Variants in CFAP70 observed in about 807,000 individuals in gnomAD.
CFAP70 encodes cilia and flagella associated protein 70.
A neutral mutation model predicts 137.6 loss-of-function variants in CFAP70; 81 were observed. That is an observed-to-expected ratio of 0.59 (90% CI 0.49 to 0.71). The LOEUF (loss-of-function observed/expected upper bound fraction) is 0.71, where lower values mean the gene tolerates loss of function less well. CFAP70 is among the 30% of genes least tolerant of loss of function. The pLI is 0.00. For synonymous variants in CFAP70, 382 were observed against 423.6 expected, an observed-to-expected ratio of 0.90 and a Z score of 1.20; for missense variants, 976 against 1,226.7, an observed-to-expected ratio of 0.80 and a Z score of 3.05.
intron 25 of CFAP70, among the ~76,000 whole-genome samples, chr10:73,267,288 G>A (rs1371565338): frequency 1.3e-5 from 2 of 152,194 alleles, no homozygotes; most frequent in Non-Finnish European, 2.9e-5. Context: ...AGCAGTTAAT[G>A]TTGGCTGTTG....
intron 4 of CFAP70, 38 bp from the exon 5 acceptor site, chr10:73,348,273 G>C (rs755082909): frequency 1.2e-6 from 2 of 1,606,394 alleles, no homozygotes; most frequent in Non-Finnish European, 8.5e-7. Flanking sequence ...AAGAAGAAAG[G>C]GTTAAGTTGG....
At chr10:73,280,196 TG>T (rs1404046487) in intron 19 of CFAP70, among the ~76,000 whole-genome samples, 1 of 152,018 alleles carries the variant, frequency 6.6e-6, no homozygotes, top group African/African-American at 2.4e-5. Context: ...TAACCAGGTG[TG>T]GGGCCTCATG....
intron 19 of CFAP70, among the ~76,000 whole-genome samples, chr10:73,279,804 G>C (rs1265865456): frequency 6.6e-6 from 1 of 151,926 alleles, no homozygotes; most frequent in East Asian, 1.9e-4. Context: ...GTTGCAGTGA[G>C]CCATGATTTT....
In CFAP70 at chr10:73,323,712, T is replaced by C. The variant is rs192162299; in HGVS notation, c.778-615A>G. Among the ~76,000 whole-genome samples the C allele has an allele frequency of 5.7e-3, 873 of 151,838 alleles. 7 individuals are homozygous for C. The highest frequency in any genetic ancestry group is 0.02 in the African/African-American group (823 of 41,414). ...CTTGGAGGGTCCTATGCCCATGGAGTCTCACTCATTGCTAGCACAGCAGTC... is the reference window on the plus strand; with the variant it reads ...CTTGGAGGGTCCTATGCCCATGGAGCCTCACTCATTGCTAGCACAGCAGTC... On this transcript the variant is annotated intron_variant, in intron 8 of 26. Transcript: ENST00000310715.
chr10:73,322,195 T>C (rs1259089475), intron 9 of CFAP70, among the ~76,000 whole-genome samples: 1 of 152,224 alleles, frequency 6.6e-6, no homozygotes, highest in Non-Finnish European at 1.5e-5. Context: ...TTTTGACATA[T>C]GTGTATATGT....
chr10:73,268,840 G>A (rs990768422), intron 25 of CFAP70, among the ~76,000 whole-genome samples: 24 of 151,836 alleles, frequency 1.6e-4, no homozygotes, highest in African/African-American at 5.3e-4. Flanking sequence ...GACCACAGGC[G>A]CTCCCCACCA....
chr10:73,264,002 T>C (rs971738723), intron 25 of CFAP70, among the ~76,000 whole-genome samples: 1 of 152,244 alleles, frequency 6.6e-6, no homozygotes, highest in African/African-American at 2.4e-5. Context: ...GTAATCCTTT[T>C]CTACAAATTA....
chr10:73,278,477 G>T, intron 19 of CFAP70, 140 bp from the exon 21 acceptor site: 1 of 677,132 alleles, frequency 1.5e-6, no homozygotes, highest in South Asian at 2.6e-5. Flanking sequence ...TGGTAGACTT[G>T]TTTATATTTT....
chr10:73,278,276 A>T, exon 20 of CFAP70: 1 of 1,614,072 alleles, frequency 6.2e-7, no homozygotes, highest in Non-Finnish European at 8.5e-7. Flanking sequence ...CTTGTGAATC[A>T]GACTGCAGTT....
At chr10:73,322,078 C>G (rs2132202527) in intron 9 of CFAP70, among the ~76,000 whole-genome samples, 1 of 152,262 alleles carries the variant, frequency 6.6e-6, no homozygotes, top group South Asian at 2.1e-4. Context: ...GCCACCACAC[C>G]CAGTCACACT....
chr10:73,297,946 T>C (rs1444255751), intron 14 of CFAP70, among the ~76,000 whole-genome samples: 3 of 152,198 alleles, frequency 2.0e-5, no homozygotes, highest in Non-Finnish European at 2.9e-5. Context: ...AACTGAGACA[T>C]GACGACACCA....
intron 8 of CFAP70, among the ~76,000 whole-genome samples, chr10:73,323,786 C>CA (rs2051115865): frequency 6.6e-6 from 1 of 152,252 alleles, no homozygotes; most frequent in Admixed American, 6.5e-5. Flanking sequence ...GGGTGCCCCC[C>CA]ATTGCCCAGG....
chr10:73,331,172 T>C lies in CFAP70; in HGVS notation c.777+5A>G. 2 of 1,603,762 alleles carry C rather than the reference T, an allele frequency of 1.2e-6. No homozygotes were observed. Among genetic ancestry groups the C allele is most frequent in the Non-Finnish European group, 8.5e-7 (1 of 1,171,950 alleles). Reference sequence around the variant, plus strand: ...ATATAAATATTTTTGAGGGGGCATATTTACCTTTTCAGTTTTGCCAGCTTT... The same window carrying C: ...ATATAAATATTTTTGAGGGGGCATACTTACCTTTTCAGTTTTGCCAGCTTT... On this transcript the variant is annotated splice_donor_5th_base_variant and intron_variant, in intron 8 of 26. Transcript: ENST00000310715.
chr10:73,309,963 A>C (rs1319545541), intron 12 of CFAP70, among the ~76,000 whole-genome samples, 195 bp downstream of exon 13: 1 of 152,046 alleles, frequency 6.6e-6, no homozygotes, highest in Non-Finnish European at 1.5e-5. Flanking sequence ...CAGCTTCCTA[A>C]AAATTTTTAT....
At chr10:73,280,305 A>G (rs2047167243) in intron 19 of CFAP70, among the ~76,000 whole-genome samples, 1 of 152,082 alleles carries the variant, frequency 6.6e-6, no homozygotes, top group South Asian at 2.1e-4. Flanking sequence ...CTTGTCTCTT[A>G]AAAAAGAATA....
intron 9 of CFAP70, among the ~76,000 whole-genome samples, chr10:73,316,576 A>T (rs1200392592): frequency 6.7e-6 from 1 of 149,642 alleles, no homozygotes; most frequent in Non-Finnish European, 1.5e-5. Flanking sequence ...ATATGTGCAT[A>T]TGTGTATGTA....
At chr10:73,351,117 GT>G (rs200075967) in intron 3 of CFAP70, among the ~76,000 whole-genome samples, 1 of 80,756 alleles carries the variant, frequency 1.2e-5, no homozygotes, top group Non-Finnish European at 2.4e-5. Context: ...ATATATGTAT[GT>G]TTTGTTTTTT....
At chr10:73,274,244 C>T (rs924129399) in intron 23 of CFAP70, among the ~76,000 whole-genome samples, 189 bp downstream of exon 24, 1 of 152,220 alleles carries the variant, frequency 6.6e-6, no homozygotes. Flanking sequence ...ACTCTCGTTT[C>T]AGCCTGCCTG....
intron 26 of CFAP70, among the ~76,000 whole-genome samples, chr10:73,255,294 G>A (rs1320612973): frequency 6.6e-6 from 1 of 152,132 alleles, no homozygotes; most frequent in Non-Finnish European, 1.5e-5. Context: ...TACTCAGGAG[G>A]CTGAAGCGGA....
Sources: gnomAD v4.1 joint callset for allele counts (sites outside exome capture counted in the v4.1 genomes callset) on GRCh38, gnomAD v4.1.1 for gene constraint, MANE v1.5 for transcripts, NCBI Gene and HGNC (gene_info 2026-07-23, HGNC 2026-07-21) for gene names.